The following CSMD1 variants were observed in gnomAD, a reference collection of about 807,000 sequenced individuals.
The protein encoded by CSMD1 is CUB and sushi domain-containing protein 1.
A neutral mutation model predicts 417.5 loss-of-function variants in CSMD1; 213 were observed. That is an observed-to-expected ratio of 0.51 (90% CI 0.46 to 0.57). The LOEUF is 0.57. Among genes scored for constraint, CSMD1 ranks in the 20% least tolerant of loss-of-function variants. CSMD1 has a pLI of 0.00. For missense variants in CSMD1, 6,923 were observed against 4,529.7 expected (o/e 1.53, Z -15.17); for synonymous variants, 2,862 against 1,736.8 (o/e 1.65, Z -16.11).
chr8:4,948,352 AT>A (rs1429364281), intron 1 of CSMD1, among the ~76,000 whole-genome samples: 1 of 151,938 alleles, frequency 6.6e-6, no homozygotes, highest in African/African-American at 2.4e-5. Flanking sequence ...ATATTTGCAC[AT>A]TTTTTTCTTA....
chr8:4,374,111 C>G (rs144416143), intron 3 of CSMD1, among the ~76,000 whole-genome samples: 91 of 152,204 alleles, frequency 6.0e-4, no homozygotes, highest in African/African-American at 2.1e-3. Context: ...GGTTTTCACA[C>G]CTGCCATTTT....
At chr8:4,250,113 G>A (rs934309166) in intron 3 of CSMD1, among the ~76,000 whole-genome samples, 2 of 152,112 alleles carry the variant, frequency 1.3e-5, no homozygotes, top group African/African-American at 4.8e-5. Context: ...CAGCAAGAAA[G>A]CCCCTGATCA....
intron 3 of CSMD1, among the ~76,000 whole-genome samples, chr8:4,357,887 C>G (rs562864935): frequency 6.6e-6 from 1 of 151,842 alleles, no homozygotes; most frequent in Admixed American, 6.6e-5. Flanking sequence ...AAATCATAGA[C>G]GTATAATTGT....
At chr8:4,357,185 G>T (rs778507431) in intron 3 of CSMD1, among the ~76,000 whole-genome samples, 15 of 152,174 alleles carry the variant, frequency 9.9e-5, no homozygotes, top group Non-Finnish European at 1.8e-4. Flanking sequence ...GCTCACACAT[G>T]TAGTGTGTTC....
Position 3,243,772 on chromosome 8 carries a change from A to T in CSMD1, c.4154-13541T>A, listed in dbSNP as rs1046922065. On this transcript the variant is annotated intron_variant, in intron 26 of 69. Transcript: ENST00000635120. ...TTTATGTATTTATATAAACAATATC[A>T]TTTATATATAATATTGTCATTTATA... 2.7e-5 allele frequency among the ~76,000 whole-genome samples: 4 copies of T among 150,538 alleles called. No homozygotes were observed. The East Asian group carries it at 7.8e-4, about 29-fold the overall frequency.
At chr8:3,500,552 G>T (rs1796557632) in intron 10 of CSMD1, among the ~76,000 whole-genome samples, 1 of 152,160 alleles carries the variant, frequency 6.6e-6, no homozygotes, top group African/African-American at 2.4e-5. Context: ...ATATTTAGAG[G>T]TCAAGGAATT....
At chr8:3,917,923 T>A (rs1054040548) in intron 5 of CSMD1, among the ~76,000 whole-genome samples, 24 of 152,202 alleles carry the variant, frequency 1.6e-4, no homozygotes, top group Non-Finnish European at 3.2e-4. Flanking sequence ...AGTGTGTTTT[T>A]TAAGCATTTA....
intron 52 of CSMD1, among the ~76,000 whole-genome samples, chr8:3,000,454 G>A (rs1220452657): frequency 6.6e-6 from 1 of 151,840 alleles, no homozygotes; most frequent in Non-Finnish European, 1.5e-5. Flanking sequence ...TCAAAACAAA[G>A]CAAAAAGTAA....
At position 3,315,686 on chromosome 8, in the gene CSMD1, T is replaced by TAAAC. The variant is rs565028141; in HGVS notation, c.3632-7187_3632-7184dup. Among the ~76,000 whole-genome samples the TAAAC allele has an allele frequency of 1.7e-3, 256 of 152,036 alleles. 1 individual carries two copies. Among genetic ancestry groups the TAAAC allele is most frequent in the African/African-American group, 5.8e-3 (243 of 41,550 alleles). On this transcript the variant is annotated intron_variant, in intron 23 of 69. Transcript: ENST00000635120. Reference sequence around the variant, plus strand: ...TAGCAAACAGGTTGTTGACAATGTTTAAACAGAAATGTAAACTTCTGAACT... The same window carrying TAAAC: ...TAGCAAACAGGTTGTTGACAATGTTTAAACAAACAGAAATGTAAACTTCTGAACT...
intron 3 of CSMD1, among the ~76,000 whole-genome samples, chr8:4,187,891 T>A (rs937375196): frequency 6.6e-6 from 1 of 152,118 alleles, no homozygotes; most frequent in African/African-American, 2.4e-5. Flanking sequence ...ATGGCAGCAC[T>A]GGCATGATAT....
intron 3 of CSMD1, among the ~76,000 whole-genome samples, chr8:4,182,621 T>C (rs920155716): frequency 6.6e-5 from 10 of 152,122 alleles, no homozygotes; most frequent in African/African-American, 2.2e-4. Context: ...GACAACAGTG[T>C]TTATCATATA....
intron 3 of CSMD1, among the ~76,000 whole-genome samples, chr8:4,308,358 T>G (rs767383619): frequency 2.0e-5 from 3 of 152,014 alleles, no homozygotes; most frequent in South Asian, 4.1e-4. Context: ...GTGTGCACTG[T>G]GTGTAGTGTG....
intron 3 of CSMD1, among the ~76,000 whole-genome samples, chr8:4,248,377 C>G (rs1410812651): frequency 4.6e-5 from 7 of 152,152 alleles, no homozygotes. Context: ...TTGGTGAGTG[C>G]TGGTTTGCTG....
chr8:3,514,475 G>A (rs1251790462), intron 10 of CSMD1, among the ~76,000 whole-genome samples: 2 of 152,140 alleles, frequency 1.3e-5, no homozygotes, highest in East Asian at 1.9e-4. Flanking sequence ...GAAGAACCCA[G>A]GCTTCAATTT....
At chr8:4,391,524 C>T (rs1347407313) in intron 3 of CSMD1, among the ~76,000 whole-genome samples, 1 of 152,094 alleles carries the variant, frequency 6.6e-6, no homozygotes, top group Non-Finnish European at 1.5e-5. Flanking sequence ...GACCAAGCCA[C>T]AACCACTGCA....
intron 1 of CSMD1, among the ~76,000 whole-genome samples, chr8:4,905,685 T>C (rs1805205502): frequency 1.3e-5 from 2 of 151,642 alleles, no homozygotes; most frequent in African/African-American, 2.4e-5. Context: ...CCGGGCGTGG[T>C]GGCGGGCGCC....
intron 1 of CSMD1, among the ~76,000 whole-genome samples, chr8:4,637,959 C>G (rs1332390506): frequency 6.6e-6 from 1 of 152,104 alleles, no homozygotes; most frequent in Non-Finnish European, 1.5e-5. Context: ...CGTGAGCCAC[C>G]GCGCCCGGCC....
intron 2 of CSMD1, among the ~76,000 whole-genome samples, chr8:4,561,960 C>T (rs1023061955): frequency 1.4e-4 from 21 of 152,244 alleles, no homozygotes; most frequent in South Asian, 2.1e-4. Context: ...CCCCTCACAA[C>T]GCCCATCCGG....
intron 3 of CSMD1, among the ~76,000 whole-genome samples, chr8:4,135,011 T>G (rs1470276214): frequency 1.3e-5 from 2 of 152,174 alleles, no homozygotes; most frequent in East Asian, 3.9e-4. Flanking sequence ...TCTAGAATTT[T>G]TATTGATTAT....
Sources: allele counts gnomAD v4.1 joint callset (sites outside exome capture counted in the v4.1 genomes callset), GRCh38; gene constraint gnomAD v4.1.1; transcripts MANE v1.5; gene names NCBI Gene and HGNC (gene_info 2026-07-23, HGNC 2026-07-21).